Variants in ETV1 observed in about 807,000 individuals in gnomAD.
ETV1 encodes ETS variant transcription factor 1.
In ETV1, 27 loss-of-function variants were observed where a neutral mutation model predicts 62.3. The observed-to-expected ratio is 0.43, with a 90% CI of 0.32 to 0.60. The LOEUF (loss-of-function observed/expected upper bound fraction) is 0.60, where lower values mean the gene tolerates loss of function less well. Ranked by LOEUF, ETV1 falls within the 20% of genes least tolerant of loss-of-function variation. The pLI is 0.06. For missense variants in ETV1, 605 were observed against 605.8 expected, an observed-to-expected ratio of 1.00 and a Z score of 0.01; for synonymous variants, 222 against 199.6, an observed-to-expected ratio of 1.11 and a Z score of -0.94.
chr7:13,941,907 A>AAGT lies in ETV1; in HGVS notation c.236-2662_236-2661insACT, dbSNP rs1554301270. ...TAAATAAATAAATAAATAAATAAAT[A>AAGT]AAGTAAGAAAATTGTCTCCCATTGT... On this transcript the variant is annotated intron_variant, in intron 6 of 13. Coordinates refer to ENST00000430479, the MANE Select transcript of ETV1 (RefSeq NM_004956.5). 3.6e-3 allele frequency among the ~76,000 whole-genome samples: 515 copies of AAGT among 141,750 alleles called. 5 individuals carry two copies. Among genetic ancestry groups the AAGT allele is most frequent in the African/African-American group, 0.013 (484 of 38,434 alleles). 93.0% of individuals were successfully genotyped at this position (141,750 alleles called of 152,430 possible). A position where few individuals can be genotyped will look rare whatever the true frequency, so the allele number is the denominator to read the frequency against.
At chr7:13,966,463 T>C (rs945676365) in intron 6 of ETV1, among the ~76,000 whole-genome samples, 1 of 151,954 alleles carries the variant, frequency 6.6e-6, no homozygotes, top group African/African-American at 2.4e-5. Flanking sequence ...CAAAACCCCA[T>C]CTCTACAAAA....
chr7:13,915,743 T>C (rs77569081), intron 9 of ETV1, among the ~76,000 whole-genome samples: 5,778 of 151,854 alleles, frequency 0.038, 376 homozygotes, highest in African/African-American at 0.13. Flanking sequence ...CTAGAATGAA[T>C]GATAATGGAA....
In ETV1 at chr7:13,895,804, TTC is replaced by T. The variant is rs1167180841; in HGVS notation, c.*60_*61del. The T allele has an allele frequency of 9.6e-7, 1 of 1,041,768 alleles. No individual in the cohort carries two copies. The highest frequency in any genetic ancestry group is 1.4e-6 in the Non-Finnish European group (1 of 690,822). 64.5% of individuals were successfully genotyped at this position (1,041,768 alleles called of 1,614,324 possible). A position where few individuals can be genotyped will look rare whatever the true frequency, so the allele number is the denominator to read the frequency against. On this transcript the variant is annotated 3_prime_UTR_variant, in exon 14 of 14. Coordinates refer to ENST00000430479, the MANE Select transcript of ETV1 (RefSeq NM_004956.5). ...CAGAAATAAAACAAAGATTCAGCAA[TTC>T]TCTGTATCTTGCAGAAAAAAGGAAA...
At chr7:13,971,554 T>C (rs1011551996) in intron 6 of ETV1, among the ~76,000 whole-genome samples, 11 of 152,196 alleles carry the variant, frequency 7.2e-5, no homozygotes, top group African/African-American at 2.4e-4. Context: ...CATTCCAGTG[T>C]GTTTTACTGA....
chr7:13,901,322 C>T (rs773022539), intron 12 of ETV1, among the ~76,000 whole-genome samples: 1 of 151,990 alleles, frequency 6.6e-6, no homozygotes, highest in East Asian at 1.9e-4. Context: ...CATTTTAAAC[C>T]AGGCGTGCAG....
chr7:13,912,322 T>C (rs920981072), intron 9 of ETV1, among the ~76,000 whole-genome samples: 1 of 152,200 alleles, frequency 6.6e-6, no homozygotes, highest in African/African-American at 2.4e-5. Flanking sequence ...AAAAGTGTTT[T>C]AACATATGAC....
At position 13,892,869 on chromosome 7, in the gene ETV1, A is replaced by C; in HGVS notation, c.*2997T>G. The stretch of plus-strand genomic sequence containing the variant: ...CCTCCAGAAGGAACCAGACCTAAGG[A>C]CATCTTGGTTTTAGTCTCTTAAGGC... On this transcript the variant is annotated 3_prime_UTR_variant, in exon 14 of 14. Coordinates refer to ENST00000430479, the MANE Select transcript of ETV1 (RefSeq NM_004956.5). 1 of 232,228 alleles carries C rather than the reference A, an allele frequency of 4.3e-6. No homozygotes were observed. Among genetic ancestry groups the C allele is most frequent in the East Asian group, 6.1e-5 (1 of 16,420 alleles). The allele number at this position is 232,228 out of a possible 1,614,324, so 14.4% of individuals were successfully genotyped here.
At position 13,891,891 on chromosome 7, in the gene ETV1, TAGGATTCCA is replaced by T. The variant is rs539623436; in HGVS notation, c.*3966_*3974del. The T allele has an allele frequency of 3.2e-4, 73 of 231,478 alleles. No homozygotes were observed. Among genetic ancestry groups the T allele is most frequent in the Middle Eastern group, 2.6e-3 (2 of 772 alleles). 14.3% of individuals were successfully genotyped at this position (231,478 alleles called of 1,614,324 possible). A position where few individuals can be genotyped will look rare whatever the true frequency, so the allele number is the denominator to read the frequency against. ...TTTTTAAATTTTAGTTTTTGTTTTC[TAGGATTCCA>T]AGTAACAAACATCCAAATGACCTTC... On this transcript the variant is annotated 3_prime_UTR_variant, in exon 14 of 14. Coordinates refer to ENST00000430479, the MANE Select transcript of ETV1 (RefSeq NM_004956.5).
intron 9 of ETV1, among the ~76,000 whole-genome samples, chr7:13,913,905 GACAGAGTCT>G (rs1316940461): frequency 1.7e-5 from 1 of 59,390 alleles, no homozygotes; most frequent in Non-Finnish European, 3.4e-5. Flanking sequence ...TTTTTTTTGA[GACAGAGTCT>G]CGCTCTGTCG....
rs755892534 is a variant in ETV1 at position 13,931,742 on chromosome 7, G to C, written c.562C>G (p.Arg188Gly). The C allele has an allele frequency of 1.2e-6, 2 of 1,613,886 alleles. No homozygotes were observed. Among genetic ancestry groups the C allele is most frequent in the Non-Finnish European group, 1.7e-6 (2 of 1,179,820 alleles). Residue 188 changes from arginine to glycine, a missense_variant, in exon 9 of 14, where the codon CGC becomes GGC. Arg to Gly is a moderately radical substitution (Grantham distance 125). Coordinates refer to ENST00000430479, the MANE Select transcript of ETV1 (RefSeq NM_004956.5). Reference sequence around the variant, plus strand: ...GAGTTACAGGGTTCAGAAAGCTGGCGGCGAAATCTAGGGAATAAGAGAGTG... The same window carrying C: ...GAGTTACAGGGTTCAGAAAGCTGGCCGCGAAATCTAGGGAATAAGAGAGTG... ...SSYPMDHRFR[R>G]QLSEPCNSFP... is the part of the protein sequence containing the mutation.
At chr7:13,896,484 T>A (rs1781787406) in intron 13 of ETV1, among the ~76,000 whole-genome samples, 1 of 152,134 alleles carries the variant, frequency 6.6e-6, no homozygotes, top group Admixed American at 6.6e-5. Context: ...TCTGTACTTT[T>A]AAGGTACACT....
intron 8 of ETV1, among the ~76,000 whole-genome samples, chr7:13,933,005 T>G (rs1786368864): frequency 6.6e-6 from 1 of 152,160 alleles, no homozygotes; most frequent in South Asian, 2.1e-4. Context: ...ACTTAGAAAC[T>G]CGGATATTGC....
chr7:13,896,422 C>T (rs1318131155), intron 13 of ETV1, among the ~76,000 whole-genome samples: 2 of 152,056 alleles, frequency 1.3e-5, no homozygotes, highest in African/African-American at 4.8e-5. Context: ...TTAATGCAGG[C>T]ATTTCATATT....
At chr7:13,947,645 A>G (rs1788332847) in intron 6 of ETV1, among the ~76,000 whole-genome samples, 1 of 152,248 alleles carries the variant, frequency 6.6e-6, no homozygotes, top group Admixed American at 6.5e-5. Context: ...TCTTGAGTAT[A>G]TAATTCAAAT....
intron 13 of ETV1, among the ~76,000 whole-genome samples, chr7:13,896,738 A>AAAGAAATAAAG: frequency 1.4e-5 from 1 of 70,550 alleles, no homozygotes; most frequent in African/African-American, 6.6e-5. Flanking sequence ...AGAAAAAGAA[A>AAAGAAATAAAG]GAAAGGAAAG....
At chr7:13,898,986 T>G (rs1782125013) in intron 13 of ETV1, among the ~76,000 whole-genome samples, 1 of 152,210 alleles carries the variant, frequency 6.6e-6, no homozygotes, top group Non-Finnish European at 1.5e-5. Flanking sequence ...GTACATTATT[T>G]CATTTAATAA....
At chr7:13,941,044 A>G (rs1437280919) in intron 6 of ETV1, among the ~76,000 whole-genome samples, 1 of 152,170 alleles carries the variant, frequency 6.6e-6, no homozygotes, top group Non-Finnish European at 1.5e-5. Flanking sequence ...CATGTTTAGT[A>G]CGCCTATTCA....
At chr7:13,942,123 A>G (rs75025125) in intron 6 of ETV1, among the ~76,000 whole-genome samples, 45,777 of 145,696 alleles carry the variant, frequency 0.31, 7,435 homozygotes, top group East Asian at 0.41. Context: ...TCCCGGGTTC[A>G]CGCCATTCTC....
chr7:13,963,844 G>T (rs1186421928), intron 6 of ETV1, among the ~76,000 whole-genome samples: 3 of 152,108 alleles, frequency 2.0e-5, no homozygotes, highest in Non-Finnish European at 4.4e-5. Flanking sequence ...TGATCAATGG[G>T]ACAGCTTTAT....
Sources: allele counts gnomAD v4.1 joint callset (sites outside exome capture counted in the v4.1 genomes callset), GRCh38; gene constraint gnomAD v4.1.1; transcripts MANE v1.5; gene names NCBI Gene and HGNC (gene_info 2026-07-23, HGNC 2026-07-21).